Variants in NLGN1 observed in about 807,000 individuals in gnomAD.
The protein encoded by NLGN1 is neuroligin-1.
In NLGN1, 12 loss-of-function variants were observed where a neutral mutation model predicts 65.5. That is an observed-to-expected ratio of 0.18 (90% CI 0.12 to 0.30). NLGN1 has a LOEUF of 0.30. Among genes scored for constraint, NLGN1 ranks in the 10% least tolerant of loss-of-function variants. The pLI is 1.00. For missense variants in NLGN1, 750 were observed against 1,007.1 expected (o/e 0.74, Z 3.46); for synonymous variants, 350 against 359.5 (o/e 0.97, Z 0.30).
chr3:173,512,444 G>A (rs748843290), intron 2 of NLGN1, among the ~76,000 whole-genome samples: 3 of 152,152 alleles, frequency 2.0e-5, no homozygotes, highest in East Asian at 1.9e-4. Flanking sequence ...TCTCTCCGAT[G>A]TCCAGCCACT....
intron 4 of NLGN1, among the ~76,000 whole-genome samples, chr3:174,167,008 C>T (rs1384118550): frequency 6.6e-6 from 1 of 151,990 alleles, no homozygotes; most frequent in African/African-American, 2.4e-5. Context: ...GCAACCCCTA[C>T]TCTTTTTTGT....
intron 3 of NLGN1, among the ~76,000 whole-genome samples, chr3:173,780,018 A>G (rs954519350): frequency 3.3e-5 from 5 of 152,176 alleles, no homozygotes; most frequent in African/African-American, 1.2e-4. Context: ...TGTGAGTCAG[A>G]GAATTAAAAT....
At chr3:173,547,172 T>A (rs1740010059) in intron 2 of NLGN1, among the ~76,000 whole-genome samples, 1 of 152,194 alleles carries the variant, frequency 6.6e-6, no homozygotes, top group African/African-American at 2.4e-5. Context: ...CATGACTACT[T>A]CAGCGAATAT....
Position 174,130,744 on chromosome 3 carries a change from A to G in NLGN1, c.647-144571A>G, listed in dbSNP as rs1720018309. Among the ~76,000 whole-genome samples the G allele has an allele frequency of 3.9e-5, 6 of 152,288 alleles. 1 individual carries two copies. The South Asian group carries it at 1.2e-3, about 32-fold the overall frequency. On this transcript the variant is annotated intron_variant, in intron 4 of 6. Transcript: ENST00000457714. ...GTTCATTGGGAGAGTTACACTCATT[A>G]ATGACGGAAGAATGAGTAGAGTATA... is the stretch of plus-strand genomic sequence containing the variant.
intron 2 of NLGN1, among the ~76,000 whole-genome samples, chr3:173,525,583 T>C (rs1577102553): frequency 6.6e-6 from 1 of 152,070 alleles, no homozygotes; most frequent in Admixed American, 6.6e-5. Context: ...TCTTTTTTAA[T>C]TTTCAGTCTC....
chr3:173,819,222 C>T (rs1327678838), intron 4 of NLGN1, among the ~76,000 whole-genome samples: 1 of 152,134 alleles, frequency 6.6e-6, no homozygotes, highest in Non-Finnish European at 1.5e-5. Flanking sequence ...TACCTACTCA[C>T]CTTGGGTTAC....
chr3:173,877,798 C>G (rs1732421381), intron 4 of NLGN1, among the ~76,000 whole-genome samples: 1 of 152,138 alleles, frequency 6.6e-6, no homozygotes, highest in Non-Finnish European at 1.5e-5. Context: ...GGCATTGTTA[C>G]AAATGCTTTA....
At chr3:173,977,856 A>T (rs1717857041) in intron 4 of NLGN1, among the ~76,000 whole-genome samples, 1 of 152,094 alleles carries the variant, frequency 6.6e-6, no homozygotes, top group Admixed American at 6.6e-5. Context: ...ATGATAATTG[A>T]ATCTGTGAGC....
At chr3:174,218,446 C>T (rs1253790480) in intron 4 of NLGN1, among the ~76,000 whole-genome samples, 2 of 151,986 alleles carry the variant, frequency 1.3e-5, no homozygotes, top group African/African-American at 4.8e-5. Flanking sequence ...TTGATTCACC[C>T]AATATCTTTC....
intron 4 of NLGN1, among the ~76,000 whole-genome samples, chr3:174,198,844 CTTTTTT>C (rs56752477): frequency 4.0e-5 from 4 of 99,858 alleles, no homozygotes; most frequent in Admixed American, 1.3e-4. Flanking sequence ...TGACTAGATT[CTTTTTT>C]TTTTTTTTTT....
chr3:173,766,025 T>C (rs1188606329), intron 3 of NLGN1, among the ~76,000 whole-genome samples: 1 of 152,058 alleles, frequency 6.6e-6, no homozygotes, highest in Non-Finnish European at 1.5e-5. Context: ...TGTACACATA[T>C]TATTATATGG....
At chr3:174,022,109 T>C (rs1156859262) in intron 4 of NLGN1, among the ~76,000 whole-genome samples, 1 of 152,116 alleles carries the variant, frequency 6.6e-6, no homozygotes, top group East Asian at 1.9e-4. Flanking sequence ...TGATGCTCCA[T>C]TATCTCTCTG....
intron 3 of NLGN1, among the ~76,000 whole-genome samples, chr3:173,609,553 G>A (rs2149464554): frequency 6.6e-6 from 1 of 151,920 alleles, no homozygotes; most frequent in African/African-American, 2.4e-5. Flanking sequence ...TACTGTCAAG[G>A]TTTTTAAGAC....
At chr3:173,626,186 G>A (rs1387213766) in intron 3 of NLGN1, among the ~76,000 whole-genome samples, 1 of 151,844 alleles carries the variant, frequency 6.6e-6, no homozygotes, top group Non-Finnish European at 1.5e-5. Flanking sequence ...AAACTAATTT[G>A]ATTTAATTTT....
chr3:173,682,327 C>T (rs752347729), intron 3 of NLGN1, among the ~76,000 whole-genome samples: 5 of 151,970 alleles, frequency 3.3e-5, no homozygotes, highest in South Asian at 2.1e-4. Flanking sequence ...CGGTGGCTCA[C>T]GCCTGTAATC....
chr3:173,896,375 GTC>G (rs1335430172), intron 4 of NLGN1, among the ~76,000 whole-genome samples: 1 of 152,090 alleles, frequency 6.6e-6, no homozygotes, highest in East Asian at 1.9e-4. Context: ...TAGAATAAAA[GTC>G]TCTCTGGTTC....
upstream of NLGN1, among the ~76,000 whole-genome samples, chr3:173,397,408 G>A (rs1434335089): frequency 6.6e-6 from 1 of 152,004 alleles, no homozygotes; most frequent in Non-Finnish European, 1.5e-5. Context: ...GGGGAGATGT[G>A]GGAACTTCCC....
chr3:173,812,797 T>TTATA (rs574886541), intron 4 of NLGN1, among the ~76,000 whole-genome samples: 7 of 145,512 alleles, frequency 4.8e-5, no homozygotes, highest in African/African-American at 1.5e-4. Flanking sequence ...ATATGTATTT[T>TTATA]TATATATATA....
chr3:173,931,969 AG>A (rs1744178494), intron 4 of NLGN1, among the ~76,000 whole-genome samples: 1 of 152,126 alleles, frequency 6.6e-6, no homozygotes, highest in African/African-American at 2.4e-5. Context: ...AGCAGAATTA[AG>A]ATGACTTTAA....
Sources: gnomAD v4.1 joint callset for allele counts (sites outside exome capture counted in the v4.1 genomes callset) on GRCh38, gnomAD v4.1.1 for gene constraint, MANE v1.5 for transcripts, NCBI Gene and HGNC (gene_info 2026-07-23, HGNC 2026-07-21) for gene names.